The following CHL1 variants were observed in gnomAD, a reference collection of about 807,000 sequenced individuals.
The protein encoded by CHL1 is cell adhesion molecule L1 like.
CHL1 carries 96 observed loss-of-function variants against 141.9 expected under a neutral mutation model. The ratio of observed to expected loss-of-function variants is 0.68; its 90% CI spans 0.57 to 0.80. The LOEUF (loss-of-function observed/expected upper bound fraction) is 0.80, where lower values mean the gene tolerates loss of function less well. Ranked by LOEUF, CHL1 falls within the 30% of genes least tolerant of loss-of-function variation. The pLI, the probability that CHL1 is intolerant of heterozygous loss-of-function variation, is 0.00. For missense variants in CHL1, 1,820 were observed against 1,457.2 expected (o/e 1.25, Z -4.05); for synonymous variants, 613 against 502.2 (o/e 1.22, Z -2.95).
chr3:355,146 C>G (rs1012799015), intron 11 of CHL1, among the ~76,000 whole-genome samples: 1 of 152,162 alleles, frequency 6.6e-6, no homozygotes, highest in African/African-American at 2.4e-5. Context: ...AAAGTCAGGA[C>G]CTCCTTTAGG....
Position 329,085 on chromosome 3 carries a change from G to A in CHL1, c.385+731G>A, listed in dbSNP as rs761184829. On this transcript the variant is annotated intron_variant, in intron 5 of 27. Coordinates refer to ENST00000256509, the MANE Select transcript of CHL1 (RefSeq NM_006614.4). ...ATCAGTAATCGTCCCCTGAAGTAGC[G>A]TACTTTATTCATAGCTTATTTGCCC... Among the ~76,000 whole-genome samples, 19 of 152,176 alleles carry A rather than the reference G, an allele frequency of 1.2e-4. 1 individual carries two copies. The highest frequency in any genetic ancestry group is 9.2e-4 in the Admixed American group (14 of 15,258).
At chr3:226,977 G>A (rs909482696) in intron 1 of CHL1, among the ~76,000 whole-genome samples, 7 of 152,114 alleles carry the variant, frequency 4.6e-5, no homozygotes, top group Non-Finnish European at 1.0e-4. Flanking sequence ...GAAATGCATG[G>A]CAGATTAATT....
chr3:248,323 G>A (rs1391143125), intron 2 of CHL1: 2 of 151,990 alleles, frequency 1.3e-5, no homozygotes, highest in Admixed American at 1.3e-4. Context: ...AATGCTACAG[G>A]TAGATTTTAA....
intron 2 of CHL1, among the ~76,000 whole-genome samples, chr3:310,258 C>T (rs550010441): frequency 6.6e-6 from 1 of 152,078 alleles, no homozygotes; most frequent in African/African-American, 2.4e-5. Context: ...AGTGAGACCC[C>T]TATCTCTATA....
chr3:252,984 A>T (rs1465927485), intron 2 of CHL1, among the ~76,000 whole-genome samples: 1 of 152,110 alleles, frequency 6.6e-6, no homozygotes, highest in East Asian at 1.9e-4. Context: ...TGGCCTAATT[A>T]TCTAGTATTT....
rs188699890 is a variant in CHL1 at position 201,452 on chromosome 3, A to G, written c.-175+4389A>G. On this transcript the variant is annotated intron_variant, in intron 1 of 27. Transcript: ENST00000256509. ...ACATAATTTATTCCTAGTGAAGAATACAACTTGTGTATCTCTTTGGAAGTT... is the reference window on the plus strand; with the variant it reads ...ACATAATTTATTCCTAGTGAAGAATGCAACTTGTGTATCTCTTTGGAAGTT... Among the ~76,000 whole-genome samples, 385 of 152,302 alleles carry G rather than the reference A, an allele frequency of 2.5e-3. 1 individual carries two copies. Among genetic ancestry groups the G allele is most frequent in the Admixed American group, 4.4e-3 (67 of 15,292 alleles).
At position 390,748 on chromosome 3, in the gene CHL1, A is replaced by G; in HGVS notation, c.2518A>G (p.Thr840Ala). ...CCATGGGGTGGACGTTATAAACAGT[A>G]CATTAGTTAAAGTTACCTGGTCAAC... ...VIHGVDVINS[T>A]LVKVTWSTVP... Residue 840 changes from threonine (T) to alanine (A), a missense_variant, in exon 21 of 28, where the codon ACA (threonine) becomes GCA (alanine). Thr to Ala is a moderately conservative substitution (Grantham distance 58). Coordinates refer to ENST00000256509, the MANE Select transcript of CHL1 (RefSeq NM_006614.4). 1 of 1,611,774 alleles carries G rather than the reference A, an allele frequency of 6.2e-7. No individual in the cohort carries two copies. The highest frequency in any genetic ancestry group is 1.3e-5 in the African/African-American group (1 of 75,016).
intron 2 of CHL1, among the ~76,000 whole-genome samples, chr3:278,750 A>G (rs377025872): frequency 3.9e-5 from 6 of 152,232 alleles, no homozygotes; most frequent in Admixed American, 1.3e-4. Context: ...AGAAGTACAC[A>G]CACTGCTATT....
At chr3:340,462 A>G (rs543871887) in intron 5 of CHL1, among the ~76,000 whole-genome samples, 25 of 152,346 alleles carry the variant, frequency 1.6e-4, no homozygotes, top group Non-Finnish European at 3.1e-4. Flanking sequence ...TTTCACATCT[A>G]TCAAAGCTAA....
intron 1 of CHL1, among the ~76,000 whole-genome samples, chr3:243,494 A>G (rs945534939): frequency 2.0e-5 from 3 of 152,192 alleles, no homozygotes; most frequent in African/African-American, 4.8e-5. Context: ...TTACTAAACA[A>G]AAGTATTAAG....
intron 24 of CHL1, among the ~76,000 whole-genome samples, chr3:398,023 ATTG>A: frequency 6.6e-6 from 1 of 152,326 alleles, no homozygotes; most frequent in Non-Finnish European, 1.5e-5. Flanking sequence ...ATGGCCATGC[ATTG>A]AGTTCATTTC....
intron 11 of CHL1, among the ~76,000 whole-genome samples, chr3:356,536 G>C (rs886543208): frequency 6.6e-6 from 1 of 152,182 alleles, no homozygotes. Context: ...GTGTGCTATG[G>C]TGTGATAAAG....
intron 2 of CHL1, among the ~76,000 whole-genome samples, chr3:279,805 A>T (rs2125288211): frequency 6.6e-6 from 1 of 152,322 alleles, no homozygotes; most frequent in South Asian, 2.1e-4. Flanking sequence ...CGAAGTAGGG[A>T]TTGGGGACTT....
At chr3:265,195 C>T (rs1254293931) in intron 2 of CHL1, among the ~76,000 whole-genome samples, 1 of 152,180 alleles carries the variant, frequency 6.6e-6, no homozygotes, top group African/African-American at 2.4e-5. Flanking sequence ...GGTTCACATT[C>T]TTGCTTCCAT....
chr3:229,339 T>C (rs531686041), intron 1 of CHL1, among the ~76,000 whole-genome samples: 1 of 152,308 alleles, frequency 6.6e-6, no homozygotes, highest in South Asian at 2.1e-4. Context: ...TCACAGAAGG[T>C]TCTCTGACCA....
intron 2 of CHL1, among the ~76,000 whole-genome samples, chr3:259,790 T>C (rs1457497076): frequency 6.6e-6 from 1 of 152,204 alleles, no homozygotes; most frequent in Non-Finnish European, 1.5e-5. Flanking sequence ...TAACTTGGGA[T>C]GTGATTGCAT....
At chr3:259,074 C>A (rs1362385675) in intron 2 of CHL1, among the ~76,000 whole-genome samples, 1 of 151,510 alleles carries the variant, frequency 6.6e-6, no homozygotes, top group Non-Finnish European at 1.5e-5. Flanking sequence ...ACTGGCATTA[C>A]AGGCACATGC....
chr3:258,422 A>G (rs138356477), intron 2 of CHL1, among the ~76,000 whole-genome samples: 7 of 152,320 alleles, frequency 4.6e-5, no homozygotes, highest in African/African-American at 1.2e-4. Context: ...TTCAAGTCCA[A>G]GCTTGGAGTC....
chr3:319,414 A>G (rs1456335267), intron 2 of CHL1, among the ~76,000 whole-genome samples: 1 of 151,826 alleles, frequency 6.6e-6, no homozygotes, highest in Non-Finnish European at 1.5e-5. Flanking sequence ...TCATGTGTAT[A>G]ATATCATACC....
Sources: gnomAD v4.1 joint callset for allele counts (sites outside exome capture counted in the v4.1 genomes callset) on GRCh38, gnomAD v4.1.1 for gene constraint, MANE v1.5 for transcripts, NCBI Gene and HGNC (gene_info 2026-07-23, HGNC 2026-07-21) for gene names.